Variants in SNX29 observed in about 807,000 individuals in gnomAD.
The protein encoded by SNX29 is sorting nexin 29, also known as sorting nexin-29.
A neutral mutation model predicts 102.1 loss-of-function variants in SNX29; 78 were observed. The observed-to-expected ratio is 0.76, with a 90% CI of 0.64 to 0.92. The LOEUF (loss-of-function observed/expected upper bound fraction) is 0.92. Among genes scored for constraint, SNX29 ranks in the 40% least tolerant of loss-of-function variants. The pLI is 0.00. For missense variants in SNX29, 1,280 were observed against 1,061.7 expected (o/e 1.21, Z -2.86); for synonymous variants, 580 against 414.5 (o/e 1.40, Z -4.85).
intron 15 of SNX29, among the ~76,000 whole-genome samples, chr16:12,352,191 A>G (rs1431587784): frequency 6.6e-6 from 1 of 152,214 alleles, no homozygotes; most frequent in African/African-American, 2.4e-5. Flanking sequence ...CAGCCATAAA[A>G]AATGATGAGT....
intron 19 of SNX29, chr16:12,515,443 C>T (rs1319380736): frequency 2.1e-6 from 1 of 472,216 alleles, no homozygotes; most frequent in African/African-American, 2.0e-5. Context: ...CGCAAGTCAC[C>T]CCTGAAATAG....
At chr16:12,450,547 T>A (rs1398235330) in intron 18 of SNX29, among the ~76,000 whole-genome samples, 1 of 152,174 alleles carries the variant, frequency 6.6e-6, no homozygotes, top group Non-Finnish European at 1.5e-5. Flanking sequence ...GTGCTCTGAT[T>A]GGCTGAGGCC....
chr16:12,547,680 C>T (rs908891843), intron 20 of SNX29, among the ~76,000 whole-genome samples: 6 of 152,118 alleles, frequency 3.9e-5, no homozygotes, highest in Non-Finnish European at 7.3e-5. Context: ...TGTAATAAAA[C>T]CTGGCCCCCG....
intron 14 of SNX29, among the ~76,000 whole-genome samples, chr16:12,264,434 T>C (rs2078866797): frequency 6.6e-6 from 1 of 152,220 alleles, no homozygotes. Context: ...TGTATAACTC[T>C]GCTGCTTTAA....
chr16:12,541,045 G>A (rs1177050709), intron 20 of SNX29, among the ~76,000 whole-genome samples: 1 of 152,102 alleles, frequency 6.6e-6, no homozygotes, highest in African/African-American at 2.4e-5. Context: ...CTGTAGTCTG[G>A]CTGCTATTTA....
intron 3 of SNX29, among the ~76,000 whole-genome samples, chr16:12,014,487 C>G (rs2151070531): frequency 6.6e-6 from 1 of 152,080 alleles, no homozygotes; most frequent in East Asian, 1.9e-4. Flanking sequence ...AATCCAAGCA[C>G]TTTGGAAGGC....
chr16:12,397,506 G>A (rs1030769759), intron 16 of SNX29, among the ~76,000 whole-genome samples: 1 of 152,122 alleles, frequency 6.6e-6, no homozygotes, highest in Non-Finnish European at 1.5e-5. Flanking sequence ...ACCCTGAGAG[G>A]TAAAAGGTGT....
chr16:12,485,846 C>T (rs897479903), intron 19 of SNX29, among the ~76,000 whole-genome samples: 2 of 152,196 alleles, frequency 1.3e-5, no homozygotes, highest in Admixed American at 6.5e-5. Flanking sequence ...GCAGAGAAGG[C>T]TTCCTGCAGG....
chr16:12,039,997 A>G (rs1416147219), intron 4 of SNX29, among the ~76,000 whole-genome samples: 1 of 152,220 alleles, frequency 6.6e-6, no homozygotes, highest in East Asian at 1.9e-4. Context: ...CCAGCATGAA[A>G]AAATGTTAAA....
chr16:12,221,765 G>C (rs1366170245), intron 14 of SNX29, among the ~76,000 whole-genome samples: 6 of 152,188 alleles, frequency 3.9e-5, no homozygotes, highest in African/African-American at 1.2e-4. Flanking sequence ...GTGGCGCCCA[G>C]GGCCCTGCAT....
At chr16:12,405,839 G>C (rs992487069) in intron 18 of SNX29, among the ~76,000 whole-genome samples, 7 of 151,852 alleles carry the variant, frequency 4.6e-5, no homozygotes, top group African/African-American at 1.5e-4. Flanking sequence ...TTTGAGACCA[G>C]CCTGGCCAAC....
intron 16 of SNX29, among the ~76,000 whole-genome samples, chr16:12,388,492 T>C (rs779943699): frequency 2.1e-4 from 32 of 152,222 alleles, no homozygotes; most frequent in Non-Finnish European, 4.7e-4. Context: ...TTCCCTGAAA[T>C]TACAAATGAT....
intron 14 of SNX29, among the ~76,000 whole-genome samples, chr16:12,267,689 T>C (rs534273900): frequency 1.3e-5 from 2 of 152,304 alleles, no homozygotes; most frequent in South Asian, 4.1e-4. Context: ...CTGGAGGCTG[T>C]TGGGTAACCG....
intron 14 of SNX29, among the ~76,000 whole-genome samples, chr16:12,269,371 T>C (rs2079025601): frequency 6.6e-6 from 1 of 152,374 alleles, no homozygotes; most frequent in South Asian, 2.1e-4. Flanking sequence ...GACTGAATCC[T>C]GCTTGGAGGC....
chr16:12,102,486 G>C (rs1024462306), intron 11 of SNX29, among the ~76,000 whole-genome samples: 1 of 152,182 alleles, frequency 6.6e-6, no homozygotes, highest in African/African-American at 2.4e-5. Context: ...GTATCTCATT[G>C]TGGTTTTGAT....
At chr16:12,493,782 G>A (rs1486173428) in intron 19 of SNX29, among the ~76,000 whole-genome samples, 1 of 152,120 alleles carries the variant, frequency 6.6e-6, no homozygotes, top group Non-Finnish European at 1.5e-5. Context: ...AGTAGAGACG[G>A]GGTTTCACCA....
chr16:12,027,500 C>A (rs2057227171), intron 4 of SNX29, 56 bp downstream of exon 4: 1 of 1,599,232 alleles, frequency 6.3e-7, no homozygotes. Context: ...TGCTCTTTTT[C>A]TTTTTATTTA....
intron 20 of SNX29, among the ~76,000 whole-genome samples, chr16:12,542,121 C>G (rs949240365): frequency 1.1e-4 from 16 of 152,054 alleles, no homozygotes; most frequent in African/African-American, 3.6e-4. Flanking sequence ...CTAAATTGAG[C>G]CAGCATTTCC....
intron 15 of SNX29, among the ~76,000 whole-genome samples, chr16:12,322,699 C>T (rs2080978659): frequency 6.6e-6 from 1 of 151,750 alleles, no homozygotes; most frequent in Admixed American, 6.6e-5. Flanking sequence ...TCGCTGGGGA[C>T]CACCGTCAGG....
Sources: gnomAD v4.1 joint callset for allele counts (sites outside exome capture counted in the v4.1 genomes callset) on GRCh38, gnomAD v4.1.1 for gene constraint, MANE v1.5 for transcripts, NCBI Gene and HGNC (gene_info 2026-07-23, HGNC 2026-07-21) for gene names.